The following PCDHGA5 variants were observed in gnomAD, a reference collection of about 807,000 sequenced individuals.
PCDHGA5 encodes protocadherin gamma-A5.
Under a neutral mutation model 56.7 loss-of-function variants are expected in PCDHGA5, and 36 were observed. The observed-to-expected ratio is 0.64, with a 90% CI of 0.49 to 0.84. PCDHGA5 has a LOEUF of 0.84. Ranked by LOEUF, PCDHGA5 falls within the 40% of genes least tolerant of loss-of-function variation. PCDHGA5 has a pLI of 0.00. For synonymous variants in PCDHGA5, 563 were observed against 520.2 expected (o/e 1.08, Z -1.12); for missense variants, 1,305 against 1,201.5 (o/e 1.09, Z -1.27).
intron 2 of PCDHGA5, among the ~76,000 whole-genome samples, chr5:141,495,607 A>G (rs1484333463): frequency 1.3e-5 from 2 of 151,832 alleles, no homozygotes; most frequent in Admixed American, 1.3e-4. Flanking sequence ...TTCCGTCTTG[A>G]TTGCTGCACC....
intron 1 of PCDHGA5, chr5:141,409,361 G>A (rs754448763): frequency 6.2e-7 from 1 of 1,613,964 alleles, no homozygotes; most frequent in Non-Finnish European, 8.5e-7. Flanking sequence ...GTGTAATATA[G>A]AAACAGACAT....
At position 141,477,579 on chromosome 5, in the gene PCDHGA5, A is replaced by G. The variant is rs774773400; in HGVS notation, c.2422-17228A>G. The stretch of plus-strand genomic sequence containing the variant: ...AGTGTCTGGGACCCCGACGCCCCGC[A>G]GAATGCTCGGCTTTCTTTCTTTCTC... On this transcript the variant is annotated intron_variant, in intron 1 of 3. Coordinates refer to ENST00000518069, the MANE Select transcript of PCDHGA5 (RefSeq NM_018918.3). The surrounding 1 kb of genome is among the most constrained non-coding windows in gnomAD (Gnocchi z 4.9). The G allele has an allele frequency of 1.7e-5, 27 of 1,614,036 alleles. No individual in the cohort carries two copies. The highest frequency in any genetic ancestry group is 2.0e-5 in the Non-Finnish European group (24 of 1,180,036).
intron 1 of PCDHGA5, chr5:141,370,275 C>T (rs1483260334): frequency 2.4e-6 from 2 of 830,416 alleles, no homozygotes; most frequent in African/African-American, 1.7e-5. Flanking sequence ...AGCGGAGACA[C>T]CCATTAGAGA....
At position 141,490,735 on chromosome 5, in the gene PCDHGA5, C is replaced by T; in HGVS notation, c.2422-4072C>T. The T allele has an allele frequency of 2.5e-6, 4 of 1,614,194 alleles. No individual in the cohort carries two copies. Among genetic ancestry groups the T allele is most frequent in the Non-Finnish European group, 2.5e-6 (3 of 1,180,018 alleles). ...CTACTCCATTGTAGGAAATCAGGTTCAGGGAGCCCCAGCCTCCTCCTTTGT... is the reference window on the plus strand; with the variant it reads ...CTACTCCATTGTAGGAAATCAGGTTTAGGGAGCCCCAGCCTCCTCCTTTGT... On this transcript the variant is annotated intron_variant, in intron 1 of 3. Transcript: ENST00000518069. This position sits in a 1 kb window ranked among gnomAD's most constrained non-coding sequence, Gnocchi z 5.4.
At chr5:141,399,679 T>C (rs757165628) in intron 1 of PCDHGA5, 4 of 1,613,560 alleles carry the variant, frequency 2.5e-6, no homozygotes, top group South Asian at 2.2e-5. Flanking sequence ...CGCCTTTGAC[T>C]ACGAGCAGCT....
At chr5:141,420,527 G>T (rs368419425) in intron 1 of PCDHGA5, 3 of 349,150 alleles carry the variant, frequency 8.6e-6, no homozygotes, top group Non-Finnish European at 1.5e-5. Flanking sequence ...ATACCTTTCG[G>T]TTAAAAATAT....
chr5:141,371,080 G>C (rs1409150939), intron 1 of PCDHGA5: 1 of 1,613,876 alleles, frequency 6.2e-7, no homozygotes, highest in East Asian at 2.2e-5. Context: ...ACCCAGATCA[G>C]GGTAATTGTC....
rs551330964 is a variant in PCDHGA5, at chr5:141,388,155, G to T, written c.2421+21404G>T. On this transcript the variant is annotated intron_variant, in intron 1 of 3. Coordinates refer to ENST00000518069, the MANE Select transcript of PCDHGA5 (RefSeq NM_018918.3). ...GGAGTTGCTTGTGAGCAGCAGGCTA[G>T]ACAGGGAGGAGATATGCGGGAAGAA... is the stretch of plus-strand genomic sequence containing the variant. The T allele has an allele frequency of 1.2e-5, 18 of 1,469,902 alleles. No homozygotes were observed. The African/African-American group carries it at 2.5e-4, about 21-fold the overall frequency. 91.1% of individuals were successfully genotyped at this position (1,469,902 alleles called of 1,614,324 possible). A position where few individuals can be genotyped will look rare whatever the true frequency, so the allele number is the denominator to read the frequency against.
chr5:141,374,683 G>A (rs757439486), intron 1 of PCDHGA5: 3 of 1,609,586 alleles, frequency 1.9e-6, no homozygotes, highest in South Asian at 2.2e-5. Flanking sequence ...AGGGCACACT[G>A]GACCGGGAAG....
In PCDHGA5 at chr5:141,413,494, G is replaced by A. The variant is rs778441176; in HGVS notation, c.2421+46743G>A. The A allele has an allele frequency of 2.5e-5, 41 of 1,613,924 alleles. No homozygotes were observed. Among genetic ancestry groups the A allele is most frequent in the Non-Finnish European group, 3.1e-5 (37 of 1,179,948 alleles). On this transcript the variant is annotated intron_variant, in intron 1 of 3. Transcript: ENST00000518069. Reference sequence around the variant, plus strand: ...GCTCTGCGCTCAGAGCGCGCGGTGCGTGGTGAGTTTTAATATCCTTGTGGA... The same window carrying A: ...GCTCTGCGCTCAGAGCGCGCGGTGCATGGTGAGTTTTAATATCCTTGTGGA...
In PCDHGA5 at chr5:141,431,570, G is replaced by A. The variant is rs754760314; in HGVS notation, c.2422-63237G>A. 7 of 1,614,172 alleles carry A rather than the reference G, an allele frequency of 4.3e-6. No individual in the cohort carries two copies. Among genetic ancestry groups the A allele is most frequent in the Non-Finnish European group, 5.9e-6 (7 of 1,180,024 alleles). ...TGTAGTCAACGCTACCGACCCTGAC[G>A]AAGGAGTCAATGCGGAAGTGAGGTA... On this transcript the variant is annotated intron_variant, in intron 1 of 3. Transcript: ENST00000518069. The surrounding 1 kb of genome is among the most constrained non-coding windows in gnomAD (Gnocchi z 4.8).
intron 1 of PCDHGA5, chr5:141,420,386 A>G (rs1407565643): frequency 6.2e-6 from 8 of 1,284,798 alleles, no homozygotes; most frequent in Non-Finnish European, 7.2e-6. Context: ...AGTTCGCAAA[A>G]TATAGGTCAA....
At position 141,409,225 on chromosome 5, in the gene PCDHGA5, C is replaced by T. The variant is rs781617309; in HGVS notation, c.2421+42474C>T. 59 of 1,613,878 alleles carry T rather than the reference C, an allele frequency of 3.7e-5. 2 individuals carry two copies. The East Asian group carries it at 1.1e-3, about 30-fold the overall frequency. On this transcript the variant is annotated intron_variant, in intron 1 of 3. Coordinates refer to ENST00000518069, the MANE Select transcript of PCDHGA5 (RefSeq NM_018918.3). ...TAATCATAGAAATCCTTGATGAAAA[C>T]GACAACAGCCCAGAAATAATCATCA...
At position 141,489,985 on chromosome 5, in the gene PCDHGA5, G is replaced by C. The variant is rs761481986; in HGVS notation, c.2422-4822G>C. ...AACCTTCCAATCCTCAGTTCTACGT[G>C]TGGGAATCCCAGAGAATGCACCCAT... On this transcript the variant is annotated intron_variant, in intron 1 of 3. Coordinates refer to ENST00000518069, the MANE Select transcript of PCDHGA5 (RefSeq NM_018918.3). This position sits in a 1 kb window ranked among gnomAD's most constrained non-coding sequence, Gnocchi z 4.5. 3 of 1,614,212 alleles carry C rather than the reference G, an allele frequency of 1.9e-6. No individual in the cohort carries two copies. The East Asian group carries it at 6.7e-5, about 36-fold the overall frequency.
Position 141,365,560 on chromosome 5 carries a change from GGACAGAGAAGA to G in PCDHGA5, c.1234_1244del (p.Arg412PhefsTer4). The G allele has an allele frequency of 6.2e-7, 1 of 1,613,652 alleles. No homozygotes were observed. The highest frequency in any genetic ancestry group is 8.5e-7 in the Non-Finnish European group (1 of 1,179,892). ...ATCACCTATTAACAACTAGGGACCT[GGACAGAGAAGA>G]GACTTCAGATTATAATATCACTTTA... On this transcript the variant is annotated frameshift_variant, in exon 1 of 4. Transcript: ENST00000518069. LOFTEE classifies it high-confidence loss of function.
In PCDHGA5 at chr5:141,491,679, T is replaced by G. The variant is rs111288145; in HGVS notation, c.2422-3128T>G. 1 of 1,613,496 alleles carries G rather than the reference T, an allele frequency of 6.2e-7. No individual in the cohort carries two copies. Among genetic ancestry groups the G allele is most frequent in the Non-Finnish European group, 8.5e-7 (1 of 1,179,828 alleles). On this transcript the variant is annotated intron_variant, in intron 1 of 3. Coordinates refer to ENST00000518069, the MANE Select transcript of PCDHGA5 (RefSeq NM_018918.3). The surrounding 1 kb of genome is among the most constrained non-coding windows in gnomAD (Gnocchi z 6.9). ...CTGACGCCATCCGGTCCCGCTCTAA[T>G]ACGCTGCGGGAGCGGAGCCAGGTGA...
chr5:141,436,921 C>T lies in PCDHGA5; in HGVS notation c.2422-57886C>T, dbSNP rs73794904. Among the ~76,000 whole-genome samples the T allele has an allele frequency of 9.3e-3, 1,413 of 152,246 alleles. 25 individuals carry two copies. The highest frequency in any genetic ancestry group is 0.032 in the African/African-American group (1,313 of 41,572). On this transcript the variant is annotated intron_variant, in intron 1 of 3. Coordinates refer to ENST00000518069, the MANE Select transcript of PCDHGA5 (RefSeq NM_018918.3). ...ATATGAGACAATTTTGTGAGTGTTA[C>T]TTTTTCTTTGTCTGAACCATAGTGA...
chr5:141,509,157 C>T lies in PCDHGA5; in HGVS notation c.2570-1790C>T, dbSNP rs369133984. Among the ~76,000 whole-genome samples the T allele has an allele frequency of 2.6e-4, 40 of 152,314 alleles. No individual in the cohort carries two copies. In the South Asian group the frequency reaches 7.0e-3, roughly 27 times the overall value. On this transcript the variant is annotated intron_variant, in intron 3 of 3. Transcript: ENST00000518069. The stretch of plus-strand genomic sequence containing the variant: ...GAGGCGCATCCCGGCTCTCCCCTCC[C>T]GTGTGCCCTCCTCCTCTTATGCCGG...
In PCDHGA5 at chr5:141,505,496, T is replaced by C; in HGVS notation, c.2569+15T>C. 6.2e-7 allele frequency: 1 copy of C among 1,614,148 alleles called. No homozygotes were observed. The highest frequency in any genetic ancestry group is 8.5e-7 in the Non-Finnish European group (1 of 1,180,004). ...GTCCGCCAGTGGTAAGTGGTGTCAGTGTGTGTATGGAAGAGTGGGAGACCT... is the reference window on the plus strand; with the variant it reads ...GTCCGCCAGTGGTAAGTGGTGTCAGCGTGTGTATGGAAGAGTGGGAGACCT... On this transcript the variant is annotated intron_variant, in intron 3 of 3. Transcript: ENST00000518069.
Sources: gnomAD v4.1 joint callset for allele counts (sites outside exome capture counted in the v4.1 genomes callset) on GRCh38, gnomAD v4.1.1 for gene constraint, Gnocchi (gnomAD v3.1) non-coding constraint, MANE v1.5 for transcripts, NCBI Gene and HGNC (gene_info 2026-07-23, HGNC 2026-07-21) for gene names.